CCDC66: variants seen among roughly 807,000 people sequenced by gnomAD.
CCDC66 encodes the protein coiled-coil domain-containing protein 66.
CCDC66 carries 133 observed loss-of-function variants against 128.3 expected under a neutral mutation model. That is an observed-to-expected ratio of 1.04 (90% CI 0.90 to 1.20). The LOEUF is 1.20. Among genes scored for constraint, CCDC66 ranks in the 50% most tolerant of loss-of-function variants. The pLI is 0.00. For synonymous variants in CCDC66, 387 were observed against 357.0 expected (o/e 1.08, Z -0.95); for missense variants, 1,126 against 1,075.5 (o/e 1.05, Z -0.66).
chr3:56,614,672 C>T (rs2075275985), intron 11 of CCDC66, among the ~76,000 whole-genome samples: 1 of 152,122 alleles, frequency 6.6e-6, no homozygotes, highest in South Asian at 2.1e-4. Flanking sequence ...CTGCAGTTTT[C>T]CCACTTGGCA....
intron 13 of CCDC66, 183 bp downstream of exon 13, chr3:56,616,236 A>G (rs1229985157): frequency 2.0e-6 from 1 of 494,798 alleles, no homozygotes; most frequent in Non-Finnish European, 3.5e-6. Flanking sequence ...TTTATCCTAC[A>G]GTTTAGTCTT....
chr3:56,584,580 CG>C (rs1162104008), intron 7 of CCDC66, among the ~76,000 whole-genome samples: 1 of 150,192 alleles, frequency 6.7e-6, no homozygotes, highest in Non-Finnish European at 1.5e-5. Flanking sequence ...GGATGGCGGC[CG>C]GGAAGAGGCG....
intron 7 of CCDC66, among the ~76,000 whole-genome samples, chr3:56,584,646 G>A (rs915101836): frequency 2.0e-5 from 3 of 151,468 alleles, no homozygotes; most frequent in Non-Finnish European, 4.4e-5. Context: ...CATCCCAGAC[G>A]ATGGGCAGCC....
chr3:56,564,828 G>A (rs556850803), intron 4 of CCDC66, among the ~76,000 whole-genome samples: 1 of 152,196 alleles, frequency 6.6e-6, no homozygotes, highest in South Asian at 2.1e-4. Context: ...AATGGTTTGG[G>A]GACCCATTAA....
At position 56,619,254 on chromosome 3, in the gene CCDC66, AT is replaced by A. The variant is rs74505834; in HGVS notation, c.2379-7del. The A allele has an allele frequency of 3.4e-3, 4,869 of 1,415,772 alleles. 22 individuals carry two copies. Among genetic ancestry groups the A allele is most frequent in the East Asian group, 0.02 (804 of 40,798 alleles). The allele number at this position is 1,415,772 out of a possible 1,614,324, so 87.7% of individuals were successfully genotyped here. A position where few individuals can be genotyped will look rare whatever the true frequency, so the allele number is the denominator to read the frequency against. On this transcript the variant is annotated splice_polypyrimidine_tract_variant and intron_variant, in intron 15 of 17. Transcript: ENST00000394672. ...TAATCTAAATACACAATTTTTTACT[AT>A]TTTTTTTTTAAATAGGTCTCCATCA... is the stretch of plus-strand genomic sequence containing the variant.
intron 10 of CCDC66, among the ~76,000 whole-genome samples, chr3:56,609,549 A>G (rs766855000): frequency 1.3e-5 from 2 of 152,192 alleles, no homozygotes; most frequent in African/African-American, 2.4e-5. Flanking sequence ...TTTTAAGTGG[A>G]GCCTTTAGGC....
intron 7 of CCDC66, among the ~76,000 whole-genome samples, chr3:56,585,030 G>A (rs997487906): frequency 1.3e-4 from 19 of 151,042 alleles, no homozygotes; most frequent in Non-Finnish European, 2.5e-4. Context: ...GCAGTGAGCC[G>A]AGATGGCAGC....
intron 2 of CCDC66, 82 bp from the exon 3 acceptor site, chr3:56,559,487 C>A: frequency 1.1e-6 from 1 of 877,560 alleles, no homozygotes; most frequent in Non-Finnish European, 1.7e-6. Flanking sequence ...AATCTTATAA[C>A]AATATTAATT....
chr3:56,611,887 G>C (rs1384909909), intron 10 of CCDC66, among the ~76,000 whole-genome samples: 1 of 152,166 alleles, frequency 6.6e-6, no homozygotes, highest in Non-Finnish European at 1.5e-5. Flanking sequence ...GGAGAGGAGG[G>C]TCTCCCTTTC....
rs535826801 is a variant in CCDC66 at position 56,575,155 on chromosome 3, G to A, written c.936+3853G>A. 1.3e-5 allele frequency among the ~76,000 whole-genome samples: 2 copies of A among 151,796 alleles called. 1 individual carries two copies. Among genetic ancestry groups the A allele is most frequent in the South Asian group, 4.2e-4 (2 of 4,806 alleles). On this transcript the variant is annotated intron_variant, in intron 7 of 17. Transcript: ENST00000394672. ...TTGTAATTTTGTGTTAAACTATTTT[G>A]TGTTAAATTTTGTGTTAAACTGCTT...
At position 56,613,689 on chromosome 3, in the gene CCDC66, A is replaced by G; in HGVS notation, c.1505A>G (p.Gln502Arg). ...EEQEEELRLA[Q>R]EREEMQKQYE... Reference sequence around the variant, plus strand: ...CAAGAAGAGGAGCTTCGCTTAGCACAGGAACGTGAAGAGATGCAGAAACAG... The same window carrying G: ...CAAGAAGAGGAGCTTCGCTTAGCACGGGAACGTGAAGAGATGCAGAAACAG... The change falls in exon 11 of 18, where the codon CAG (glutamine) becomes CGG (arginine). Residue 502 changes from glutamine to arginine, a missense_variant. Coordinates refer to ENST00000394672, the MANE Select transcript of CCDC66 (RefSeq NM_001141947.3). The G allele has an allele frequency of 1.9e-6, 3 of 1,614,124 alleles. No homozygotes were observed. Among genetic ancestry groups the G allele is most frequent in the Non-Finnish European group, 2.5e-6 (3 of 1,179,980 alleles).
At chr3:56,592,020 C>CT (rs1486343476) in intron 7 of CCDC66, among the ~76,000 whole-genome samples, 2 of 152,150 alleles carry the variant, frequency 1.3e-5, no homozygotes, top group African/African-American at 4.8e-5. Context: ...GTATCCTAAA[C>CT]TCATCAATTA....
intron 10 of CCDC66, among the ~76,000 whole-genome samples, chr3:56,596,921 A>T (rs1426190691): frequency 7.6e-6 from 1 of 132,302 alleles, no homozygotes; most frequent in Non-Finnish European, 1.6e-5. Flanking sequence ...CACCTGGCTA[A>T]TTTTTTTTTT....
chr3:56,615,732 A>G, intron 12 of CCDC66, 190 bp from the exon 13 acceptor site: 1 of 410,984 alleles, frequency 2.4e-6, no homozygotes, highest in East Asian at 5.5e-5. Flanking sequence ...GTCTATTTTT[A>G]CCGAGAACAA....
At position 56,571,242 on chromosome 3, in the gene CCDC66, GA is replaced by G; in HGVS notation, c.882del (p.Lys294AsnfsTer7). Reference protein sequence around the residue: ...EVSEKWNDPWKKSESDKIIWE... With the variant: ...EVSEKWNDPWXKSESDKIIWE... ...TTTCTGAAAAATGGAATGATCCTTG[GA>G]AAAAATCTGAAAGTGATAAAATAAT... On this transcript the variant is annotated frameshift_variant, in exon 7 of 18. Transcript: ENST00000394672. LOFTEE classifies it high-confidence loss of function. 2 of 1,544,462 alleles carry G rather than the reference GA, an allele frequency of 1.3e-6. No individual in the cohort carries two copies. The highest frequency in any genetic ancestry group is 1.9e-5 in the Admixed American group (1 of 53,742).
chr3:56,615,568 A>G (rs1393760608), intron 12 of CCDC66, among the ~76,000 whole-genome samples: 1 of 152,102 alleles, frequency 6.6e-6, no homozygotes, highest in Non-Finnish European at 1.5e-5. Context: ...AATACCTTCA[A>G]TATACCTACT....
chr3:56,603,515 C>T (rs1213525496), intron 10 of CCDC66, among the ~76,000 whole-genome samples: 3 of 151,956 alleles, frequency 2.0e-5, no homozygotes, highest in African/African-American at 7.3e-5. Flanking sequence ...CAAATAACAT[C>T]TTTATTTCTG....
rs1048941117 is a variant in CCDC66 at position 56,616,973 on chromosome 3, A to G, written c.1844-139A>G. Reference sequence around the variant, plus strand: ...AGTATGTGGTTGTTCTTTAATGAGTATAGAGGTTCGGTTTTGTTGAAAATT... The same window carrying G: ...AGTATGTGGTTGTTCTTTAATGAGTGTAGAGGTTCGGTTTTGTTGAAAATT... On this transcript the variant is annotated intron_variant, in intron 13 of 17. Coordinates refer to ENST00000394672, the MANE Select transcript of CCDC66 (RefSeq NM_001141947.3). The G allele has an allele frequency of 4.5e-6, 3 of 666,592 alleles. No individual in the cohort carries two copies. In the East Asian group the frequency reaches 8.5e-5, roughly 19 times the overall value. 41.3% of individuals were successfully genotyped at this position (666,592 alleles called of 1,614,324 possible). A position where few individuals can be genotyped will look rare whatever the true frequency, so the allele number is the denominator to read the frequency against.
intron 1 of CCDC66, chr3:56,558,643 AG>A: frequency 1.7e-6 from 1 of 587,930 alleles, no homozygotes; most frequent in Non-Finnish European, 3.1e-6. Context: ...AGTATTGAAG[AG>A]TTTCAAGAAT....
Sources: allele counts gnomAD v4.1 joint callset (sites outside exome capture counted in the v4.1 genomes callset), GRCh38; gene constraint gnomAD v4.1.1; transcripts MANE v1.5; gene names NCBI Gene and HGNC (gene_info 2026-07-23, HGNC 2026-07-21).